The following WDTC1 variants were observed in gnomAD, a reference collection of about 807,000 sequenced individuals.
WDTC1 encodes the protein WD and tetratricopeptide repeats 1.
Under a neutral mutation model 76.0 loss-of-function variants are expected in WDTC1, and 12 were observed. The ratio of observed to expected loss-of-function variants is 0.16; its 90% confidence interval spans 0.10 to 0.26. The LOEUF is 0.26. Among genes scored for constraint, WDTC1 ranks in the 10% least tolerant of loss-of-function variants. The pLI is 1.00. For missense variants in WDTC1, 511 were observed against 908.8 expected, an observed-to-expected ratio of 0.56 and a Z score of 5.63; for synonymous variants, 326 against 350.8, an observed-to-expected ratio of 0.93 and a Z score of 0.79.
At position 27,303,526 on chromosome 1, in the gene WDTC1, C is replaced by A; in HGVS notation, c.1469-95C>A. The A allele has an allele frequency of 6.9e-7, 1 of 1,450,318 alleles. No individual in the cohort carries two copies. The highest frequency in any genetic ancestry group is 9.1e-7 in the Non-Finnish European group (1 of 1,095,034). 89.8% of individuals were successfully genotyped at this position (1,450,318 alleles called of 1,614,324 possible). ...GTGGAGGCAGGTAGCTCTATGTTGT[C>A]AGACTTTGGACTGAAAACAGAGCCA... On this transcript the variant is annotated intron_variant, in intron 13 of 15. Transcript: ENST00000319394. This position sits in a 1 kb window ranked among gnomAD's most constrained non-coding sequence, Gnocchi z 4.8.
chr1:27,294,713 G>A, intron 9 of WDTC1, 84 bp downstream of exon 9: 3 of 1,196,828 alleles, frequency 2.5e-6, no homozygotes, highest in East Asian at 2.5e-5. Context: ...CACTGCTGAG[G>A]CAGACAAGAC....
At chr1:27,283,312 A>C in intron 4 of WDTC1, 26 bp from the exon 5 acceptor site, 1 of 1,607,490 alleles carries the variant, frequency 6.2e-7, no homozygotes, top group Non-Finnish European at 8.5e-7. Context: ...TTGAGGAGAG[A>C]TCACAATCCC....
At chr1:27,251,033 ATTT>A (rs71584875) in intron 1 of WDTC1, among the ~76,000 whole-genome samples, 2 of 28,684 alleles carry the variant, frequency 7.0e-5, no homozygotes, top group African/African-American at 8.6e-5. Context: ...CTCCTGGCTA[ATTT>A]TTTTTTTTTT....
At chr1:27,270,009 T>C (rs990972969) in intron 3 of WDTC1, among the ~76,000 whole-genome samples, 9 of 151,930 alleles carry the variant, frequency 5.9e-5, no homozygotes, top group South Asian at 2.1e-4. Flanking sequence ...CGATCATGGC[T>C]CACGATAGCC....
At chr1:27,302,316 C>T (rs2013852225) in intron 13 of WDTC1, among the ~76,000 whole-genome samples, 1 of 151,998 alleles carries the variant, frequency 6.6e-6, no homozygotes, top group Admixed American at 6.6e-5. Flanking sequence ...ATGACAAGTG[C>T]CATGGGGACC....
At chr1:27,256,526 A>G (rs948750077) in intron 1 of WDTC1, among the ~76,000 whole-genome samples, 2 of 152,216 alleles carry the variant, frequency 1.3e-5, no homozygotes, top group Non-Finnish European at 2.9e-5. Flanking sequence ...AAATTCGACA[A>G]ATGTCCACTA....
chr1:27,257,374 G>A (rs972778900), intron 1 of WDTC1, among the ~76,000 whole-genome samples: 6 of 152,050 alleles, frequency 3.9e-5, no homozygotes, highest in Non-Finnish European at 8.8e-5. Context: ...TGTCTACTTG[G>A]AAAGATTAAG....
chr1:27,234,472 A>C, upstream of WDTC1: 14 of 273,458 alleles, frequency 5.1e-5, no homozygotes, highest in South Asian at 1.7e-4. Context: ...CTAGCAGGTT[A>C]GTGGGCGCCG....
chr1:27,268,306 GAGAGATTTC>G, intron 3 of WDTC1, among the ~76,000 whole-genome samples: 1 of 152,238 alleles, frequency 6.6e-6, no homozygotes, highest in South Asian at 2.1e-4. Flanking sequence ...CTTAAAAAAA[GAGAGATTTC>G]ACAGATGAGT....
At chr1:27,262,062 T>C (rs1255586383) in intron 2 of WDTC1, among the ~76,000 whole-genome samples, 2 of 151,630 alleles carry the variant, frequency 1.3e-5, no homozygotes, top group African/African-American at 4.8e-5. Context: ...CGCAAGTAGC[T>C]GGGACTACAG....
At chr1:27,247,532 T>C (rs1009092215) in intron 1 of WDTC1, among the ~76,000 whole-genome samples, 1 of 152,132 alleles carries the variant, frequency 6.6e-6, no homozygotes, top group African/African-American at 2.4e-5. Flanking sequence ...TTTGTGTCCA[T>C]GAAGTCTCAT....
At chr1:27,281,178 G>A (rs1468043122) in intron 3 of WDTC1, among the ~76,000 whole-genome samples, 2 of 152,084 alleles carry the variant, frequency 1.3e-5, no homozygotes, top group Non-Finnish European at 2.9e-5. Flanking sequence ...TTTGCCGTGT[G>A]AGGCTGGGCG....
chr1:27,268,366 G>T (rs1209873095), intron 3 of WDTC1, among the ~76,000 whole-genome samples: 1 of 151,488 alleles, frequency 6.6e-6, no homozygotes. Context: ...TGGCTTTCAA[G>T]ATACTTTTTT....
intron 1 of WDTC1, among the ~76,000 whole-genome samples, chr1:27,243,224 T>TTTTTA (rs2011688953): frequency 1.3e-5 from 1 of 79,286 alleles, no homozygotes. Context: ...TTTTTTTTTT[T>TTTTTA]GAGACAATGT....
chr1:27,266,490 GGT>G, intron 3 of WDTC1, among the ~76,000 whole-genome samples: 1 of 152,222 alleles, frequency 6.6e-6, no homozygotes, highest in East Asian at 1.9e-4. Context: ...ATGTCTCTTA[GGT>G]GTAAGTCAGT....
intron 1 of WDTC1, among the ~76,000 whole-genome samples, chr1:27,248,669 AT>A (rs1367888561): frequency 1.3e-5 from 2 of 151,246 alleles, no homozygotes; most frequent in African/African-American, 4.9e-5. Flanking sequence ...TTTTATTATT[AT>A]TTTTTTTTAT....
At chr1:27,298,405 G>A (rs1187882993) in intron 12 of WDTC1, among the ~76,000 whole-genome samples, 1 of 152,206 alleles carries the variant, frequency 6.6e-6, no homozygotes, top group African/African-American at 2.4e-5. Context: ...TGGCCCCTGG[G>A]GAAGTATGAG....
At position 27,303,102 on chromosome 1, in the gene WDTC1, GTC is replaced by G. The variant is rs1255176437; in HGVS notation, c.1469-515_1469-514del. Among the ~76,000 whole-genome samples the G allele has an allele frequency of 6.6e-6, 1 of 151,926 alleles. No individual in the cohort carries two copies. The highest frequency in any genetic ancestry group is 2.4e-5 in the African/African-American group (1 of 41,366). On this transcript the variant is annotated intron_variant, in intron 13 of 15. Transcript: ENST00000319394. This position sits in a 1 kb window ranked among gnomAD's most constrained non-coding sequence, Gnocchi z 4.8. Reference sequence around the variant, plus strand: ...AGCCTGGCCAATGTGGCGAAACCCCGTCTCTACTAAAAATACAAAAATTAGCT... The same window carrying G: ...AGCCTGGCCAATGTGGCGAAACCCCGTCTACTAAAAATACAAAAATTAGCT...
intron 1 of WDTC1, among the ~76,000 whole-genome samples, chr1:27,258,917 C>G (rs979973718): frequency 1.3e-5 from 2 of 152,148 alleles, no homozygotes; most frequent in Non-Finnish European, 2.9e-5. Context: ...TGAGAGCCGT[C>G]TTCTGAGCAC....
Sources: gnomAD v4.1 joint callset for allele counts (sites outside exome capture counted in the v4.1 genomes callset) on GRCh38, gnomAD v4.1.1 for gene constraint, Gnocchi (gnomAD v3.1) non-coding constraint, MANE v1.5 for transcripts, NCBI Gene and HGNC (gene_info 2026-07-23, HGNC 2026-07-21) for gene names.